The following NKX2-5 variants were observed in gnomAD, a reference collection of about 807,000 sequenced individuals.
NKX2-5 encodes the protein homeobox protein Nkx-2.5.
A neutral mutation model predicts 24.5 loss-of-function variants in NKX2-5; 3 were observed. The observed-to-expected ratio is 0.12, with a 90% CI of 0.06 to 0.32. The LOEUF is 0.32. Ranked by LOEUF, NKX2-5 falls within the 10% of genes least tolerant of loss-of-function variation. The pLI is 1.00. For missense variants in NKX2-5, 429 were observed against 452.4 expected (o/e 0.95, Z 0.47); for synonymous variants, 215 against 217.6 (o/e 0.99, Z 0.11).
intron 1 of NKX2-5, chr5:173,234,051 T>C (rs1761403476): frequency 1.6e-6 from 2 of 1,289,220 alleles, no homozygotes; most frequent in Non-Finnish European, 1.0e-6. Flanking sequence ...CGCACTCATC[T>C]CGTCCACTCC....
intron 1 of NKX2-5, chr5:173,233,418 G>T (rs1185898490): frequency 4.6e-6 from 7 of 1,536,096 alleles, no homozygotes; most frequent in East Asian, 4.9e-5. Flanking sequence ...GGCTCAAGGC[G>T]CTGGAGAACA....
In NKX2-5 at chr5:173,233,586, A is replaced by G. The variant is rs541229010; in HGVS notation, c.335-377T>C. Reference sequence around the variant, plus strand: ...CTCTGGGGTGAACTGAATTAGGGCTAGTTTGGTTTGAGAAGTTAAATGAAC... The same window carrying G: ...CTCTGGGGTGAACTGAATTAGGGCTGGTTTGGTTTGAGAAGTTAAATGAAC... On this transcript the variant is annotated intron_variant, in intron 1 of 1. Coordinates refer to ENST00000329198, the MANE Select transcript of NKX2-5 (RefSeq NM_004387.4). 44 of 738,960 alleles carry G rather than the reference A, an allele frequency of 6.0e-5. No homozygotes were observed. In the East Asian group the frequency reaches 1.2e-3, roughly 19 times the overall value. 45.8% of individuals were successfully genotyped at this position (738,960 alleles called of 1,614,324 possible).
rs757461276 is a variant in NKX2-5 at position 173,234,946 on chromosome 5, G to A, written c.138C>T (p.Cys46=). The change falls in exon 1 of 2, where the codon TGC becomes TGT. Residue 46 remains cysteine (C), a synonymous_variant. Transcript: ENST00000329198. ...RLEATLAPSS[C]MLAAFKPEAY... ...CCTCTGGCTTGAAGGCGGCCAGCAT[G>A]CAGGAGGAGGGCGCCAGGGTCGCCT... 1 of 1,611,750 alleles carries A rather than the reference G, an allele frequency of 6.2e-7. No homozygotes were observed. Among genetic ancestry groups the A allele is most frequent in the Non-Finnish European group, 8.5e-7 (1 of 1,179,374 alleles).
At chr5:173,233,979 G>T in intron 1 of NKX2-5, 1 of 1,236,820 alleles carries the variant, frequency 8.1e-7, no homozygotes, top group Non-Finnish European at 1.0e-6. Flanking sequence ...CTCCCAGAAG[G>T]CCCCTTTCTG....
intron 1 of NKX2-5, 194 bp from the exon 2 acceptor site, chr5:173,233,403 A>G (rs1761374004): frequency 6.5e-7 from 1 of 1,536,414 alleles, no homozygotes; most frequent in South Asian, 1.2e-5. Flanking sequence ...GTAGAAAGTC[A>G]GGCTGGCTCA....
At position 173,233,520 on chromosome 5, in the gene NKX2-5, TAAATAAAA is replaced by T. The variant is rs1291591248; in HGVS notation, c.335-319_335-312del. The T allele has an allele frequency of 1.3e-4, 65 of 494,424 alleles. 3 individuals carry two copies. The highest frequency in any genetic ancestry group is 7.4e-4 in the East Asian group (22 of 29,864). 30.6% of individuals were successfully genotyped at this position (494,424 alleles called of 1,614,324 possible). ...TTTCAGGCTGCAAAAAAAAAAAAAA[TAAATAAAA>T]AAATAAAAAAATAAAAATAAAACCA... On this transcript the variant is annotated intron_variant, in intron 1 of 1. Coordinates refer to ENST00000329198, the MANE Select transcript of NKX2-5 (RefSeq NM_004387.4).
rs574009413 is a variant in NKX2-5 at position 173,232,329 on chromosome 5, G to A, written c.*240C>T. On this transcript the variant is annotated 3_prime_UTR_variant, in exon 2 of 2. Transcript: ENST00000329198. This position sits in a 1 kb window ranked among gnomAD's most constrained non-coding sequence, Gnocchi z 5.9. ...CCATGGACTCTCGGAGGGCACTCCT[G>A]GGGGGACAGCTAAGACACCAGGCTG... The A allele has an allele frequency of 2.7e-4, 196 of 721,318 alleles. 3 individuals are homozygous for A. The South Asian group carries it at 3.6e-3, about 13-fold the overall frequency. The allele number at this position is 721,318 out of a possible 1,614,324, so 44.7% of individuals were successfully genotyped here.
chr5:173,233,968 T>A (rs1581110216), intron 1 of NKX2-5: 6 of 1,197,518 alleles, frequency 5.0e-6, no homozygotes, highest in Non-Finnish European at 6.4e-6. Flanking sequence ...GGCTGGGGGG[T>A]CTCCCAGAAG....
At chr5:173,234,647 C>T in intron 1 of NKX2-5, 103 bp downstream of exon 1, 1 of 1,060,152 alleles carries the variant, frequency 9.4e-7, no homozygotes, top group Non-Finnish European at 1.3e-6. Flanking sequence ...CGCCGCAGCC[C>T]AGCCCTCGGC....
rs377327328 is a variant in NKX2-5, at chr5:173,233,563, C to T, written c.335-354G>A. On this transcript the variant is annotated intron_variant, in intron 1 of 1. Transcript: ENST00000329198. ...AATAAAAATAAAACCAGGTGATGCTCTGGGGTGAACTGAATTAGGGCTAGT... is the reference window on the plus strand; with the variant it reads ...AATAAAAATAAAACCAGGTGATGCTTTGGGGTGAACTGAATTAGGGCTAGT... 1.8e-5 allele frequency: 15 copies of T among 813,738 alleles called. No homozygotes were observed. The African/African-American group carries it at 2.3e-4, about 12-fold the overall frequency. 50.4% of individuals were successfully genotyped at this position (813,738 alleles called of 1,614,324 possible).
In NKX2-5 at chr5:173,232,379, T is replaced by A; in HGVS notation, c.*190A>T. 5.5e-6 allele frequency: 6 copies of A among 1,090,582 alleles called. No individual in the cohort carries two copies. The highest frequency in any genetic ancestry group is 7.8e-6 in the Non-Finnish European group (6 of 772,560). 67.6% of individuals were successfully genotyped at this position (1,090,582 alleles called of 1,614,324 possible). The stretch of plus-strand genomic sequence containing the variant: ...GCAGGATCACTCATTGCACGCTGCA[T>A]AATCGCCGCCACAAACTCTCCCGTG... On this transcript the variant is annotated 3_prime_UTR_variant, in exon 2 of 2. Coordinates refer to ENST00000329198, the MANE Select transcript of NKX2-5 (RefSeq NM_004387.4). The surrounding 1 kb of genome is among the most constrained non-coding windows in gnomAD (Gnocchi z 5.9).
intron 1 of NKX2-5, 123 bp downstream of exon 1, chr5:173,234,627 C>G: frequency 1.1e-6 from 1 of 893,516 alleles, no homozygotes; most frequent in Non-Finnish European, 1.6e-6. Flanking sequence ...ATCTTACATT[C>G]TGAACCCCCC....
At position 173,233,137 on chromosome 5, in the gene NKX2-5, C is replaced by A. The variant is rs866619868; in HGVS notation, c.407G>T (p.Arg136Leu). The A allele has an allele frequency of 6.2e-7, 1 of 1,602,252 alleles. No individual in the cohort carries two copies. The highest frequency in any genetic ancestry group is 1.1e-5 in the South Asian group (1 of 89,758). Residue 136 changes from arginine to leucine, a missense_variant, in exon 2 of 2, where the codon CGA (arginine) becomes CTA (leucine). Coordinates refer to ENST00000329198, the MANE Select transcript of NKX2-5 (RefSeq NM_004387.4). ...GAGCACGCGCGGCTTCCTCCGCCGT[C>A]GCGCCCGGGGCCGCTCCGCGTTGTC... is the stretch of plus-strand genomic sequence containing the variant. The part of the protein sequence containing the change: ...EADNAERPRA[R>L]RRRKPRVLFS...
At position 173,232,515 on chromosome 5, in the gene NKX2-5, T is replaced by TC; in HGVS notation, c.*53dup. 1 of 1,592,602 alleles carries TC rather than the reference T, an allele frequency of 6.3e-7. No homozygotes were observed. The highest frequency in any genetic ancestry group is 8.5e-7 in the Non-Finnish European group (1 of 1,176,974). On this transcript the variant is annotated 3_prime_UTR_variant, in exon 2 of 2. Coordinates refer to ENST00000329198, the MANE Select transcript of NKX2-5 (RefSeq NM_004387.4). This position sits in a 1 kb window ranked among gnomAD's most constrained non-coding sequence, Gnocchi z 5.9. ...TGGGAGCCCCTTCTCCCCCCGAGAG[T>TC]CAGGGAGCTGTTGAGGTGGGATCGG...
Position 173,233,042 on chromosome 5 carries a change from G to A in NKX2-5, c.502C>T (p.Arg168Cys). 1 of 1,605,992 alleles carries A rather than the reference G, an allele frequency of 6.2e-7. No individual in the cohort carries two copies. Among genetic ancestry groups the A allele is most frequent in the Non-Finnish European group, 8.5e-7 (1 of 1,176,680 alleles). The change falls in exon 2 of 2, where the codon CGC (arginine) becomes TGC (cysteine). Residue 168 changes from arginine (R) to cysteine (C), a missense_variant. Arg to Cys is a radical substitution (Grantham distance 180, BLOSUM62 -3). This residue lies in a region of NKX2-5 where 240 missense variants were observed against 240.4 expected (regional missense o/e 1.00). Transcript: ENST00000329198. ...TTCAGCACGCTGGCCAGCTGGTCGC[G>A]TTCGGGGGCCGACAGGTACCGCTGC... is the stretch of plus-strand genomic sequence containing the variant. ...KQQRYLSAPE[R>C]DQLASVLKLT...
rs1242630173 is a variant in NKX2-5 at position 173,234,892 on chromosome 5, C to T, written c.192G>A (p.Pro64=). 2 of 1,606,524 alleles carry T rather than the reference C, an allele frequency of 1.2e-6. No individual in the cohort carries two copies. Among genetic ancestry groups the T allele is most frequent in the Non-Finnish European group, 1.7e-6 (2 of 1,176,544 alleles). The part of the protein sequence containing the change: ...EAYAGPEAAA[P]GLPELRAELG... ...GCTCTGCGCGCAGCTCTGGGAGGCCCGGCGCAGCCGCCTCGGGCCCAGCGT... is the reference window on the plus strand; with the variant it reads ...GCTCTGCGCGCAGCTCTGGGAGGCCTGGCGCAGCCGCCTCGGGCCCAGCGT... The change falls in exon 1 of 2, where the codon CCG becomes CCA. Residue 64 remains proline (P), a synonymous_variant. Transcript: ENST00000329198.
chr5:173,233,906 C>G, intron 1 of NKX2-5: 1 of 1,182,022 alleles, frequency 8.5e-7, no homozygotes, highest in South Asian at 1.6e-5. Flanking sequence ...CTTCGCCCAG[C>G]GCTTCGCCCA....
intron 1 of NKX2-5, 119 bp from the exon 2 acceptor site, chr5:173,233,328 C>T: frequency 2.0e-6 from 3 of 1,537,642 alleles, no homozygotes; most frequent in Non-Finnish European, 2.6e-6. Flanking sequence ...CCTGGAGCGC[C>T]CAGCTGGCTG....
chr5:173,232,443 G>C lies in NKX2-5; in HGVS notation c.*126C>G. 7 of 1,494,028 alleles carry C rather than the reference G, an allele frequency of 4.7e-6. 1 individual carries two copies. The South Asian group carries it at 8.6e-5, about 18-fold the overall frequency. 92.5% of individuals were successfully genotyped at this position (1,494,028 alleles called of 1,614,324 possible). A position where few individuals can be genotyped will look rare whatever the true frequency, so the allele number is the denominator to read the frequency against. ...GCGCGTGGGACAGAAAAAGTTCCTA[G>C]GTCTCCGCAGGAGTGAATGCAAAAT... On this transcript the variant is annotated 3_prime_UTR_variant, in exon 2 of 2. Coordinates refer to ENST00000329198, the MANE Select transcript of NKX2-5 (RefSeq NM_004387.4). The surrounding 1 kb of genome is among the most constrained non-coding windows in gnomAD (Gnocchi z 5.9).
Sources: gnomAD v4.1 joint callset for allele counts on GRCh38, gnomAD v4.1.1 for gene constraint, gnomAD v4.1.1 regional missense constraint, Gnocchi (gnomAD v3.1) non-coding constraint, MANE v1.5 for transcripts, NCBI Gene and HGNC (gene_info 2026-07-23, HGNC 2026-07-21) for gene names.